Variants in LPP observed in about 807,000 individuals in gnomAD.
The protein encoded by LPP is LIM domain containing preferred translocation partner in lipoma.
LPP carries 38 observed loss-of-function variants against 60.4 expected under a neutral mutation model. The ratio of observed to expected loss-of-function variants is 0.63; its 90% CI spans 0.49 to 0.83. LPP has a LOEUF of 0.83. Ranked by LOEUF, LPP falls within the 40% of genes least tolerant of loss-of-function variation. The pLI, the probability that LPP is intolerant of heterozygous loss-of-function variation, is 0.00. For missense variants in LPP, 902 were observed against 783.6 expected (o/e 1.15, Z -1.80); for synonymous variants, 328 against 290.8 (o/e 1.13, Z -1.30).
intron 5 of LPP, among the ~76,000 whole-genome samples, chr3:188,490,819 A>C: frequency 8.3e-6 from 1 of 120,426 alleles, no homozygotes; most frequent in Non-Finnish European, 1.6e-5. Context: ...CAGTGGTGTG[A>C]TCTTGGCTCA....
intron 1 of LPP, chr3:188,179,029 GGAGAGAGACA>G (rs1342903324): frequency 3.9e-6 from 1 of 255,288 alleles, no homozygotes; most frequent in East Asian, 1.2e-4. Flanking sequence ...AGAGAGGGAG[GGAGAGAGACA>G]GAGAGAGAGA....
At chr3:188,761,600 T>C (rs1242963301) in intron 9 of LPP, among the ~76,000 whole-genome samples, 2 of 152,340 alleles carry the variant, frequency 1.3e-5, no homozygotes, top group Non-Finnish European at 2.9e-5. Flanking sequence ...CGACTTCGTA[T>C]GACCTATCAT....
At chr3:188,183,778 C>T (rs1312291077) in intron 1 of LPP, among the ~76,000 whole-genome samples, 1 of 152,040 alleles carries the variant, frequency 6.6e-6, no homozygotes, top group African/African-American at 2.4e-5. Flanking sequence ...GGTTTTATGG[C>T]CTCCCATAAG....
chr3:188,205,998 A>C (rs1577288198), intron 1 of LPP, among the ~76,000 whole-genome samples: 1 of 152,130 alleles, frequency 6.6e-6, no homozygotes, highest in South Asian at 2.1e-4. Context: ...CACTGTGTCT[A>C]CCCTTCCTTT....
intron 3 of LPP, among the ~76,000 whole-genome samples, chr3:188,357,075 T>C (rs1578299591): frequency 6.6e-6 from 1 of 152,070 alleles, no homozygotes; most frequent in Non-Finnish European, 1.5e-5. Context: ...TCGCATGGCC[T>C]ATGTATGTCC....
At chr3:188,775,192 G>A (rs935028143) in intron 9 of LPP, among the ~76,000 whole-genome samples, 16 of 151,942 alleles carry the variant, frequency 1.1e-4, no homozygotes, top group African/African-American at 3.4e-4. Context: ...AGCTGGGACT[G>A]CAGGCATGTG....
In LPP at chr3:188,523,091, G is replaced by A. The variant is rs113262507; in HGVS notation, c.307-1574G>A. The stretch of plus-strand genomic sequence containing the variant: ...CCCAGCTAATTTTTGTATTTTTAGT[G>A]GAGACGGGTTTCACCATGTTGGCCA... On this transcript the variant is annotated intron_variant, in intron 5 of 11. Coordinates refer to ENST00000617246, the MANE Select transcript of LPP (RefSeq NM_001375462.1). Among the ~76,000 whole-genome samples, 1,321 of 151,836 alleles carry A rather than the reference G, an allele frequency of 8.7e-3. 29 individuals are homozygous for A. The highest frequency in any genetic ancestry group is 0.031 in the African/African-American group (1,268 of 41,414).
chr3:188,493,957 A>G (rs2114236), intron 5 of LPP, among the ~76,000 whole-genome samples: 9,206 of 152,154 alleles, frequency 0.061, 929 homozygotes, highest in African/African-American at 0.2. Context: ...TGACTTATAA[A>G]TGCTCTATAA....
chr3:188,698,464 C>A (rs1196420543), intron 7 of LPP, among the ~76,000 whole-genome samples: 1 of 151,872 alleles, frequency 6.6e-6, no homozygotes, highest in Non-Finnish European at 1.5e-5. Context: ...TAGTTTCACA[C>A]AAATAGAGAT....
In LPP at chr3:188,470,138, A is replaced by G. The variant is rs115613963; in HGVS notation, c.194-14454A>G. Among the ~76,000 whole-genome samples the G allele has an allele frequency of 2.4e-3, 372 of 152,220 alleles. 2 individuals are homozygous for G. Among genetic ancestry groups the G allele is most frequent in the African/African-American group, 8.4e-3 (348 of 41,538 alleles). ...GTTCCAAGTGGACAAAAACTTACAC[A>G]TTTTAATGTCGCAGAGCTATTTTTT... On this transcript the variant is annotated intron_variant, in intron 4 of 11. Transcript: ENST00000617246.
At chr3:188,406,459 C>T (rs752857646) in intron 4 of LPP, 146 bp downstream of exon 4, 22 of 716,802 alleles carry the variant, frequency 3.1e-5, no homozygotes, top group African/African-American at 3.6e-5. Context: ...AAGGAGCCCC[C>T]GGAAATAGTC....
chr3:188,231,574 G>T (rs1326367257), intron 2 of LPP, among the ~76,000 whole-genome samples: 1 of 151,874 alleles, frequency 6.6e-6, no homozygotes, highest in East Asian at 1.9e-4. Flanking sequence ...AAAGGTTCTT[G>T]CTTGAGCCCC....
chr3:188,183,007 CAAAG>C (rs71634065), intron 1 of LPP, among the ~76,000 whole-genome samples: 1 of 151,248 alleles, frequency 6.6e-6, no homozygotes, highest in African/African-American at 2.4e-5. Context: ...AGGTGAGGCC[CAAAG>C]AGGTCAATGA....
chr3:188,716,554 T>C (rs2149806090), intron 8 of LPP, among the ~76,000 whole-genome samples: 1 of 152,308 alleles, frequency 6.6e-6, no homozygotes, highest in African/African-American at 2.4e-5. Context: ...GTTGAAGGTA[T>C]GGAGAGAGGA....
intron 9 of LPP, among the ~76,000 whole-genome samples, chr3:188,814,542 C>T (rs534185691): frequency 6.6e-6 from 1 of 152,334 alleles, no homozygotes; most frequent in Admixed American, 6.5e-5. Context: ...CACTTGAATT[C>T]CATGTACTTT....
intron 4 of LPP, among the ~76,000 whole-genome samples, chr3:188,456,641 T>C (rs1270707096): frequency 6.6e-6 from 1 of 152,210 alleles, no homozygotes; most frequent in African/African-American, 2.4e-5. Flanking sequence ...ATTGCGTTTC[T>C]TTTTGCCACT....
chr3:188,809,814 G>A (rs1391116877), intron 9 of LPP, among the ~76,000 whole-genome samples: 1 of 152,100 alleles, frequency 6.6e-6, no homozygotes, highest in African/African-American at 2.4e-5. Flanking sequence ...ATGGTTTTGG[G>A]TTTTATATTT....
intron 5 of LPP, among the ~76,000 whole-genome samples, chr3:188,491,360 A>G (rs752504479): frequency 3.3e-5 from 5 of 152,240 alleles, no homozygotes; most frequent in African/African-American, 9.6e-5. Context: ...GGCAAAAACA[A>G]CATGGTCAGC....
rs1491164275 is a variant in LPP at position 188,602,176 on chromosome 3, T to TA, written c.430-6985_430-6984insA. On this transcript the variant is annotated intron_variant, in intron 6 of 11. Transcript: ENST00000617246. ...ATAATATATATATAATATATATATA[T>TA]TATATATATATATGACATTCTTAAT... 3.1e-3 allele frequency among the ~76,000 whole-genome samples: 307 copies of TA among 98,826 alleles called. 1 individual carries two copies. Among genetic ancestry groups the TA allele is most frequent in the African/African-American group, 6.6e-3 (200 of 30,486 alleles). The allele number at this position is 98,826 out of a possible 152,430, so 64.8% of individuals were successfully genotyped here.
Sources: allele counts gnomAD v4.1 joint callset (sites outside exome capture counted in the v4.1 genomes callset), GRCh38; gene constraint gnomAD v4.1.1; transcripts MANE v1.5; gene names NCBI Gene and HGNC (gene_info 2026-07-23, HGNC 2026-07-21).